Variants in AOAH observed in about 807,000 individuals in gnomAD.
The protein encoded by AOAH is acyloxyacyl hydrolase, also known as acyloxyacyl hydrolase (neutrophil).
Under a neutral mutation model 92.2 loss-of-function variants are expected in AOAH, and 64 were observed. That is an observed-to-expected ratio of 0.69 (90% CI 0.57 to 0.86). AOAH has a LOEUF of 0.86. AOAH is among the 40% of genes least tolerant of loss of function. The pLI is 0.00. For synonymous variants in AOAH, 263 were observed against 254.5 expected, an observed-to-expected ratio of 1.03 and a Z score of -0.32; for missense variants, 656 against 694.6, an observed-to-expected ratio of 0.94 and a Z score of 0.62.
At position 36,540,534 on chromosome 7, in the gene AOAH, G is replaced by T. The variant is rs770918834; in HGVS notation, c.1134-43C>A. ...AGAAAATATCTTGGTTGATTGTAAG[G>T]ATAGATGCATGCAAGTTGCACGCAA... On this transcript the variant is annotated intron_variant, in intron 15 of 20. Transcript: ENST00000617537. 6.4e-6 allele frequency: 10 copies of T among 1,551,060 alleles called. No individual in the cohort carries two copies. The East Asian group carries it at 2.0e-4, about 32-fold the overall frequency.
Position 36,632,039 on chromosome 7 carries a change from T to A in AOAH, c.518A>T (p.Lys173Ile). 6.2e-7 allele frequency: 1 copy of A among 1,611,424 alleles called. No homozygotes were observed. Among genetic ancestry groups the A allele is most frequent in the South Asian group, 1.1e-5 (1 of 90,536 alleles). Residue 173 changes from lysine to isoleucine, a missense_variant, in exon 6 of 21, where the codon AAA (lysine) becomes ATA (isoleucine). Lys to Ile is a moderately radical substitution (Grantham distance 102). Transcript: ENST00000617537. ...AAGGTAGAAATTGTATACATACAAT[T>A]TAATTTTCTGGCAGATCTTGGCCAA... ...PVLAKICQKIKLAMEQSVPFK... is the reference protein window; with the variant it reads ...PVLAKICQKIILAMEQSVPFK...
intron 11 of AOAH, among the ~76,000 whole-genome samples, chr7:36,611,062 T>G (rs1006155698): frequency 6.6e-6 from 1 of 152,228 alleles, no homozygotes; most frequent in African/African-American, 2.4e-5. Flanking sequence ...GTGATAAAGC[T>G]TCATTTTCAG....
intron 16 of AOAH, among the ~76,000 whole-genome samples, chr7:36,536,147 G>A (rs1240888010): frequency 6.6e-6 from 1 of 152,150 alleles, no homozygotes; most frequent in Non-Finnish European, 1.5e-5. Context: ...CCTGCTGCGT[G>A]GGTGCTGTGG....
intron 13 of AOAH, among the ~76,000 whole-genome samples, chr7:36,558,518 A>C (rs573983767): frequency 3.7e-4 from 57 of 152,108 alleles, no homozygotes; most frequent in African/African-American, 1.3e-3. Context: ...CTCTTCAAAG[A>C]CATTTAAGTC....
intron 20 of AOAH, among the ~76,000 whole-genome samples, chr7:36,520,312 T>G (rs182777921): frequency 1.3e-5 from 2 of 152,348 alleles, no homozygotes; most frequent in Non-Finnish European, 2.9e-5. Flanking sequence ...TTCCTGATAC[T>G]TTACATGGCC....
At chr7:36,713,392 C>A (rs1290323362) in intron 1 of AOAH, among the ~76,000 whole-genome samples, 2 of 152,094 alleles carry the variant, frequency 1.3e-5, no homozygotes, top group Non-Finnish European at 2.9e-5. Flanking sequence ...GACTTTAACA[C>A]CCCACTGTCA....
intron 13 of AOAH, among the ~76,000 whole-genome samples, chr7:36,576,117 G>A (rs541962134): frequency 4.8e-4 from 73 of 152,282 alleles, no homozygotes; most frequent in African/African-American, 1.5e-3. Flanking sequence ...GCAATAGACC[G>A]CCTCCAGGTC....
intron 1 of AOAH, among the ~76,000 whole-genome samples, chr7:36,705,274 G>A (rs1798322109): frequency 6.6e-6 from 1 of 152,144 alleles, no homozygotes. Context: ...AAGCTGATAA[G>A]CAACTTCAGC....
intron 4 of AOAH, among the ~76,000 whole-genome samples, chr7:36,647,592 A>C (rs1794300759): frequency 6.6e-6 from 1 of 152,244 alleles, no homozygotes; most frequent in Non-Finnish European, 1.5e-5. Context: ...ATAGTAACTT[A>C]ACATTTGCAT....
At chr7:36,548,790 C>T in intron 14 of AOAH, 104 bp from the exon 15 acceptor site, 1 of 903,966 alleles carries the variant, frequency 1.1e-6, no homozygotes. Context: ...TATGACCACC[C>T]TCTTGGCAAC....
chr7:36,589,597 C>T (rs890215178), intron 12 of AOAH, among the ~76,000 whole-genome samples: 2 of 152,138 alleles, frequency 1.3e-5, no homozygotes, highest in African/African-American at 2.4e-5. Flanking sequence ...GCCCAATGAG[C>T]GTGGGAGAGA....
intron 2 of AOAH, among the ~76,000 whole-genome samples, chr7:36,680,166 G>A (rs748035752): frequency 1.3e-5 from 2 of 152,176 alleles, no homozygotes; most frequent in South Asian, 2.1e-4. Flanking sequence ...CCTGACTAGT[G>A]AGAATGATTC....
chr7:36,595,201 G>C (rs997093128), intron 11 of AOAH, among the ~76,000 whole-genome samples: 2 of 152,124 alleles, frequency 1.3e-5, no homozygotes, highest in East Asian at 3.9e-4. Flanking sequence ...ATCTAAATTG[G>C]TATGTTTGGA....
At chr7:36,531,731 G>C (rs546686941) in intron 18 of AOAH, among the ~76,000 whole-genome samples, 1 of 152,354 alleles carries the variant, frequency 6.6e-6, no homozygotes, top group East Asian at 1.9e-4. Flanking sequence ...TTCCCTGAGA[G>C]AAGGGAGGAA....
At chr7:36,569,613 A>G (rs192052511) in intron 13 of AOAH, among the ~76,000 whole-genome samples, 2 of 150,058 alleles carry the variant, frequency 1.3e-5, no homozygotes. Context: ...CTATCTATCT[A>G]TCTATCTATT....
At chr7:36,666,468 A>AT (rs1795541582) in intron 3 of AOAH, among the ~76,000 whole-genome samples, 1 of 151,900 alleles carries the variant, frequency 6.6e-6, no homozygotes, top group African/African-American at 2.4e-5. Flanking sequence ...AGGCTTATCA[A>AT]TTTTACTGAT....
At chr7:36,621,818 G>A (rs1197646697) in intron 7 of AOAH, 38 bp from the exon 8 acceptor site, 11 of 1,579,748 alleles carry the variant, frequency 7.0e-6, no homozygotes, top group African/African-American at 5.4e-5. Flanking sequence ...GGTTCAGCCT[G>A]CTTTGATGTT....
chr7:36,549,737 C>T (rs78699547), intron 13 of AOAH, among the ~76,000 whole-genome samples: 520 of 152,254 alleles, frequency 3.4e-3, no homozygotes, highest in African/African-American at 0.012. Context: ...GGTCTTCAGA[C>T]ATTTCCTAAG....
chr7:36,675,979 T>C (rs777801017), intron 2 of AOAH, among the ~76,000 whole-genome samples: 3 of 152,220 alleles, frequency 2.0e-5, no homozygotes, highest in Admixed American at 6.5e-5. Context: ...CTCAACCTAA[T>C]AAAGGTTATC....
Sources: gnomAD v4.1 joint callset for allele counts (sites outside exome capture counted in the v4.1 genomes callset) on GRCh38, gnomAD v4.1.1 for gene constraint, MANE v1.5 for transcripts, NCBI Gene and HGNC (gene_info 2026-07-23, HGNC 2026-07-21) for gene names.